Variants in DIAPH2 observed in about 807,000 individuals in gnomAD.
The protein encoded by DIAPH2 is diaphanous related formin 2.
DIAPH2 carries 35 observed loss-of-function variants against 92.7 expected under a neutral mutation model. That is an observed-to-expected ratio of 0.38 (90% CI 0.29 to 0.50). The LOEUF is 0.50. DIAPH2 is among the 20% of genes least tolerant of loss of function. DIAPH2 has a pLI of 0.94. For synonymous variants in DIAPH2, 301 were observed against 280.4 expected (o/e 1.07, Z -0.73); for missense variants, 701 against 819.5 (o/e 0.86, Z 1.77).
chrX:97,094,184 G>T (rs2066848483), intron 19 of DIAPH2, among the ~76,000 whole-genome samples: 1 of 111,483 alleles, frequency 9.0e-6, no homozygotes, highest in Non-Finnish European at 1.9e-5. Flanking sequence ...TTAGAAACAT[G>T]GAGCTTGAGG....
chrX:97,424,364 G>T (rs914947569), intron 25 of DIAPH2, among the ~76,000 whole-genome samples: 3 of 111,020 alleles, frequency 2.7e-5, no homozygotes, highest in African/African-American at 9.8e-5. Flanking sequence ...AATGTGGGTG[G>T]AAAAACATCT....
At chrX:96,707,356 A>G (rs779665833) in intron 1 of DIAPH2, among the ~76,000 whole-genome samples, 2 of 108,703 alleles carry the variant, frequency 1.8e-5, no homozygotes, top group South Asian at 8.6e-4. Context: ...TTTTTAGTAG[A>G]GACGGGGTTT....
chrX:97,532,998 A>T (rs963683707), intron 26 of DIAPH2, among the ~76,000 whole-genome samples: 5 of 104,505 alleles, frequency 4.8e-5, no homozygotes, highest in Non-Finnish European at 5.9e-5. Flanking sequence ...CTTTATTTCT[A>T]TTTTTTTTTT....
At chrX:97,337,311 G>T (rs986572511) in intron 23 of DIAPH2, among the ~76,000 whole-genome samples, 3 of 110,658 alleles carry the variant, frequency 2.7e-5, no homozygotes, top group Admixed American at 9.6e-5. Context: ...TGGTTTGTCT[G>T]TGTCCCCACC....
chrX:97,477,006 C>T (rs1461810436), intron 26 of DIAPH2, among the ~76,000 whole-genome samples: 7 of 93,896 alleles, frequency 7.5e-5, no homozygotes, highest in African/African-American at 2.4e-4. Flanking sequence ...CACACACACA[C>T]ACACACACAC....
At chrX:97,184,955 T>A (rs2147468831) in intron 22 of DIAPH2, among the ~76,000 whole-genome samples, 1 of 108,887 alleles carries the variant, frequency 9.2e-6, no homozygotes, top group African/African-American at 3.3e-5. Context: ...TTCCTTACTT[T>A]GTCTGGGCTC....
chrX:97,043,301 C>CAAAA (rs2066459626), intron 17 of DIAPH2, among the ~76,000 whole-genome samples: 1 of 110,997 alleles, frequency 9.0e-6, no homozygotes, highest in Non-Finnish European at 1.9e-5. Flanking sequence ...TCAAAACTCC[C>CAAAA]CTTTACTGCT....
intron 4 of DIAPH2, among the ~76,000 whole-genome samples, chrX:96,851,567 TA>T (rs1411162733): frequency 8.9e-6 from 1 of 112,277 alleles, no homozygotes; most frequent in Non-Finnish European, 1.9e-5. Context: ...TTACTTATAA[TA>T]CCAAATACAA....
At chrX:96,915,243 A>G (rs755380487) in intron 7 of DIAPH2, among the ~76,000 whole-genome samples, 100 of 110,987 alleles carry the variant, frequency 9.0e-4, no homozygotes, top group Non-Finnish European at 1.7e-3. Context: ...CTCAGTCTCA[A>G]TGACTCATAA....
At chrX:97,212,888 G>A (rs1015168013) in intron 22 of DIAPH2, among the ~76,000 whole-genome samples, 3 of 111,531 alleles carry the variant, frequency 2.7e-5, no homozygotes, top group African/African-American at 9.7e-5. Context: ...TCACATTTAT[G>A]TAGCTTTTAA....
At chrX:97,064,052 T>A (rs900859283) in intron 17 of DIAPH2, among the ~76,000 whole-genome samples, 2 of 112,374 alleles carry the variant, frequency 1.8e-5, no homozygotes, top group Non-Finnish European at 3.8e-5. Flanking sequence ...TGACCTTCTT[T>A]ATGTTACTGG....
intron 15 of DIAPH2, among the ~76,000 whole-genome samples, chrX:96,955,819 G>A (rs1210676025): frequency 1.8e-5 from 2 of 112,811 alleles, no homozygotes; most frequent in East Asian, 5.6e-4. Flanking sequence ...GGGCAGCTTT[G>A]CCCCTGTGGC....
chrX:97,361,654 G>T (rs1204219996), intron 24 of DIAPH2, among the ~76,000 whole-genome samples: 2 of 111,983 alleles, frequency 1.8e-5, no homozygotes, highest in Non-Finnish European at 1.9e-5. Context: ...AAGGACCCAG[G>T]ATATTCCAGA....
chrX:96,979,764 G>A (rs1166710391), intron 17 of DIAPH2, among the ~76,000 whole-genome samples: 2 of 112,207 alleles, frequency 1.8e-5, no homozygotes, highest in Non-Finnish European at 3.8e-5. Flanking sequence ...AGTACAATAA[G>A]GTATGAGTAC....
chrX:97,348,082 T>C (rs2069174615), intron 23 of DIAPH2, 34 bp from the exon 24 acceptor site: 1 of 1,193,016 alleles, frequency 8.4e-7, no homozygotes. Flanking sequence ...CTTTAAAAGG[T>C]ACTGTTGAGC....
At chrX:96,738,894 A>G in intron 3 of DIAPH2, 132 bp downstream of exon 3, 1 of 469,767 alleles carries the variant, frequency 2.1e-6, no homozygotes, top group Non-Finnish European at 3.3e-6. Flanking sequence ...TTGATATAAC[A>G]AAACTATTTG....
intron 23 of DIAPH2, among the ~76,000 whole-genome samples, chrX:97,302,375 C>G (rs2068714443): frequency 9.4e-6 from 1 of 106,136 alleles, no homozygotes; most frequent in Admixed American, 1.0e-4. Flanking sequence ...CTTAAAAATA[C>G]AAAAAATTAG....
chrX:96,881,807 C>A, intron 5 of DIAPH2, 89 bp downstream of exon 5: 1 of 961,989 alleles, frequency 1.0e-6, no homozygotes, highest in Non-Finnish European at 1.4e-6. Flanking sequence ...TTATTTAAAC[C>A]TCAAGATTTC....
At chrX:97,520,593 A>T (rs1449719221) in intron 26 of DIAPH2, among the ~76,000 whole-genome samples, 1 of 112,243 alleles carries the variant, frequency 8.9e-6, no homozygotes, top group Admixed American at 9.4e-5. Flanking sequence ...TCTATCCTTC[A>T]TCTACTTCCC....
Sources: gnomAD v4.1 joint callset for allele counts (sites outside exome capture counted in the v4.1 genomes callset) on GRCh38, gnomAD v4.1.1 for gene constraint, MANE v1.5 for transcripts, NCBI Gene and HGNC (gene_info 2026-07-23, HGNC 2026-07-21) for gene names.